SNTB1: variants seen among roughly 807,000 people sequenced by gnomAD.
The protein encoded by SNTB1 is syntrophin beta 1.
In SNTB1, 36 loss-of-function variants were observed where a neutral mutation model predicts 48.9. That is an observed-to-expected ratio of 0.74 (90% CI 0.56 to 0.97). The LOEUF (loss-of-function observed/expected upper bound fraction) is 0.97. Among genes scored for constraint, SNTB1 ranks in the 50% least tolerant of loss-of-function variants. The probability of loss-of-function intolerance (pLI) is 0.00; values close to 1 mark genes in which losing one functional copy is unlikely to be tolerated. For missense variants in SNTB1, 786 were observed against 703.4 expected (o/e 1.12, Z -1.33); for synonymous variants, 299 against 294.6 (o/e 1.01, Z -0.15).
At position 120,631,752 on chromosome 8, in the gene SNTB1, A is replaced by G. The variant is rs941537143; in HGVS notation, c.996+692T>C. On this transcript the variant is annotated intron_variant, in intron 3 of 6. Coordinates refer to ENST00000517992, the MANE Select transcript of SNTB1 (RefSeq NM_021021.4). ...TCTTTAACATATCACATAACTTGGG[A>G]AAAAAAAATCAGGGACTGTGTTAAT... 5.3e-5 allele frequency among the ~76,000 whole-genome samples: 8 copies of G among 149,864 alleles called. No individual in the cohort carries two copies. In the East Asian group the frequency reaches 5.8e-4, roughly 11 times the overall value.
chr8:120,560,556 C>T (rs534696797), intron 4 of SNTB1, among the ~76,000 whole-genome samples: 1 of 152,132 alleles, frequency 6.6e-6, no homozygotes, highest in African/African-American at 2.4e-5. Context: ...GGCAAGATCC[C>T]ATGTCTCAGA....
chr8:120,771,119 G>T (rs554531139), intron 1 of SNTB1, among the ~76,000 whole-genome samples: 1 of 152,326 alleles, frequency 6.6e-6, no homozygotes, highest in Admixed American at 6.5e-5. Context: ...CACTGGATTT[G>T]TGGGCGGAAC....
At chr8:120,543,112 G>C (rs1445998532) in intron 5 of SNTB1, among the ~76,000 whole-genome samples, 1 of 152,192 alleles carries the variant, frequency 6.6e-6, no homozygotes. Flanking sequence ...TTTAGGAAAA[G>C]AGTCCTGCTC....
chr8:120,779,968 T>C (rs1358342129), intron 1 of SNTB1, among the ~76,000 whole-genome samples: 2 of 152,112 alleles, frequency 1.3e-5, no homozygotes, highest in East Asian at 1.9e-4. Flanking sequence ...ATATATTACA[T>C]TGAGTAGAGA....
rs148862179 is a variant in SNTB1 at position 120,696,796 on chromosome 8, T to C, written c.572-2888A>G. ...TATGTAAAGTTATATGGCTAGTAAGTGGTGTAGCTAGAATTTGATTTCCCA... is the reference window on the plus strand; with the variant it reads ...TATGTAAAGTTATATGGCTAGTAAGCGGTGTAGCTAGAATTTGATTTCCCA... On this transcript the variant is annotated intron_variant, in intron 1 of 6. Transcript: ENST00000517992. Among the ~76,000 whole-genome samples the C allele has an allele frequency of 1.3e-3, 191 of 152,260 alleles. 3 individuals are homozygous for C. The East Asian group carries it at 0.023, about 19-fold the overall frequency.
intron 1 of SNTB1, among the ~76,000 whole-genome samples, chr8:120,779,481 A>G (rs767698706): frequency 1.2e-4 from 19 of 152,094 alleles, no homozygotes; most frequent in Non-Finnish European, 1.8e-4. Context: ...CCAGCCTGGC[A>G]ACAGAGTGAG....
intron 1 of SNTB1, among the ~76,000 whole-genome samples, chr8:120,748,858 T>TCACAGCTG (rs1819166862): frequency 6.6e-6 from 1 of 152,178 alleles, no homozygotes; most frequent in African/African-American, 2.4e-5. Context: ...CCATGCAACT[T>TCACAGCTG]CACAGCTGTG....
intron 1 of SNTB1, among the ~76,000 whole-genome samples, chr8:120,762,995 GAGGCTC>G (rs1377011315): frequency 1.3e-5 from 2 of 152,186 alleles, no homozygotes; most frequent in African/African-American, 4.8e-5. Flanking sequence ...TGGGGAAGCT[GAGGCTC>G]AGAGGTTCAT....
chr8:120,605,951 G>A (rs1816508645), intron 3 of SNTB1, among the ~76,000 whole-genome samples: 1 of 152,082 alleles, frequency 6.6e-6, no homozygotes. Flanking sequence ...GCCAAGGTGG[G>A]AGGCTTGGCA....
At chr8:120,666,750 C>T (rs575035897) in intron 2 of SNTB1, among the ~76,000 whole-genome samples, 20 of 152,196 alleles carry the variant, frequency 1.3e-4, no homozygotes, top group African/African-American at 4.8e-4. Flanking sequence ...TGTAGCATAG[C>T]TCATTGATTC....
intron 1 of SNTB1, among the ~76,000 whole-genome samples, chr8:120,803,614 G>A (rs374073029): frequency 6.6e-6 from 1 of 152,126 alleles, no homozygotes. Context: ...CACAAATATG[G>A]AGCCATGTGG....
chr8:120,740,615 A>G (rs537112858), intron 1 of SNTB1, among the ~76,000 whole-genome samples: 1 of 152,190 alleles, frequency 6.6e-6, no homozygotes, highest in Non-Finnish European at 1.5e-5. Flanking sequence ...TATGTTAAGC[A>G]GCTCCAGGCA....
At chr8:120,641,997 G>C (rs911456824) in intron 2 of SNTB1, among the ~76,000 whole-genome samples, 1 of 152,198 alleles carries the variant, frequency 6.6e-6, no homozygotes, top group Non-Finnish European at 1.5e-5. Context: ...CATGGCCACA[G>C]ACCAGCAGTA....
At chr8:120,649,747 C>T (rs1351040285) in intron 2 of SNTB1, among the ~76,000 whole-genome samples, 3 of 152,220 alleles carry the variant, frequency 2.0e-5, no homozygotes, top group Non-Finnish European at 2.9e-5. Context: ...TGGGCAATGG[C>T]GGGCGCCCCT....
chr8:120,768,056 T>C (rs1297834207), intron 1 of SNTB1, among the ~76,000 whole-genome samples: 1 of 152,210 alleles, frequency 6.6e-6, no homozygotes, highest in African/African-American at 2.4e-5. Flanking sequence ...AATTGGTTTG[T>C]TGATCTGCCC....
At chr8:120,578,301 A>T (rs1355504021) in intron 3 of SNTB1, among the ~76,000 whole-genome samples, 1 of 151,960 alleles carries the variant, frequency 6.6e-6, no homozygotes, top group African/African-American at 2.4e-5. Context: ...CGGGAACAAC[A>T]GGGTTTTAAA....
At chr8:120,608,477 C>A (rs1816562792) in intron 3 of SNTB1, among the ~76,000 whole-genome samples, 2 of 152,140 alleles carry the variant, frequency 1.3e-5, no homozygotes, top group South Asian at 4.1e-4. Context: ...AGGGCACAGA[C>A]ACCCACAGAG....
intron 2 of SNTB1, among the ~76,000 whole-genome samples, chr8:120,678,703 C>G (rs1360277101): frequency 6.6e-6 from 1 of 152,164 alleles, no homozygotes; most frequent in Non-Finnish European, 1.5e-5. Context: ...TTTCTTATAA[C>G]TAGTTATCAC....
intron 4 of SNTB1, among the ~76,000 whole-genome samples, chr8:120,551,992 C>T (rs151150820): frequency 2.1e-3 from 322 of 152,286 alleles, no homozygotes; most frequent in African/African-American, 7.3e-3. Context: ...GCCTAACATG[C>T]TCTCATTTTC....
Sources: allele counts gnomAD v4.1 joint callset (sites outside exome capture counted in the v4.1 genomes callset), GRCh38; gene constraint gnomAD v4.1.1; transcripts MANE v1.5; gene names NCBI Gene and HGNC (gene_info 2026-07-23, HGNC 2026-07-21).